The following GALNT13 variants were observed in gnomAD, a reference collection of about 807,000 sequenced individuals.
GALNT13 encodes polypeptide N-acetylgalactosaminyltransferase 13.
GALNT13 carries 28 observed loss-of-function variants against 64.2 expected under a neutral mutation model. That is an observed-to-expected ratio of 0.44 (90% CI 0.32 to 0.60). The LOEUF is 0.60. Among genes scored for constraint, GALNT13 ranks in the 20% least tolerant of loss-of-function variants. The pLI, the probability that GALNT13 is intolerant of heterozygous loss-of-function variation, is 0.05. For synonymous variants in GALNT13, 214 were observed against 224.6 expected, an observed-to-expected ratio of 0.95 and a Z score of 0.42; for missense variants, 577 against 669.8, an observed-to-expected ratio of 0.86 and a Z score of 1.53.
the GALNT13 span, among the ~76,000 whole-genome samples, chr2:153,385,797 C>A: frequency 1.3e-5 from 2 of 151,860 alleles, no homozygotes; most frequent in Non-Finnish European, 2.9e-5. Context: ...AATTGCATGC[C>A]TGTATTAAAG....
the GALNT13 span, among the ~76,000 whole-genome samples, chr2:153,212,660 C>T: frequency 6.6e-6 from 1 of 152,140 alleles, no homozygotes. Context: ...AAATTGTATG[C>T]TGTCTTTTCA....
chr2:154,326,522 A>G (rs983743934), intron 9 of GALNT13, among the ~76,000 whole-genome samples: 1 of 152,072 alleles, frequency 6.6e-6, no homozygotes, highest in Admixed American at 6.6e-5. Context: ...TTCTACATAT[A>G]TATATTAATT....
intron 9 of GALNT13, among the ~76,000 whole-genome samples, chr2:154,364,015 A>T (rs1697223592): frequency 6.6e-6 from 1 of 152,230 alleles, no homozygotes; most frequent in African/African-American, 2.4e-5. Context: ...TGAATTAAAA[A>T]TTGCATGAGC....
chr2:153,485,915 A>G, the GALNT13 span, among the ~76,000 whole-genome samples: 3 of 152,088 alleles, frequency 2.0e-5, no homozygotes, highest in Non-Finnish European at 4.4e-5. Flanking sequence ...ACAAACAAAA[A>G]AGAAAATAAA....
chr2:154,396,503 A>C lies in GALNT13; in HGVS notation c.1296+373A>C, dbSNP rs1286209685. On this transcript the variant is annotated intron_variant, in intron 10 of 12. Coordinates refer to ENST00000392825, the MANE Select transcript of GALNT13 (RefSeq NM_052917.4). ...ACCCATTTTTTACTAATTAAACGTT[A>C]TATAATAAACAATTACATGTTAATG... Among the ~76,000 whole-genome samples the C allele has an allele frequency of 5.9e-5, 9 of 152,332 alleles. No homozygotes were observed. The East Asian group carries it at 1.7e-3, about 29-fold the overall frequency.
intron 11 of GALNT13, among the ~76,000 whole-genome samples, chr2:154,434,823 C>T (rs1191832499): frequency 2.0e-5 from 3 of 152,098 alleles, no homozygotes; most frequent in Non-Finnish European, 4.4e-5. Flanking sequence ...CTACATGTTA[C>T]ATTTTGCAGT....
At chr2:154,080,504 T>C (rs1206539736) in intron 3 of GALNT13, among the ~76,000 whole-genome samples, 1 of 151,572 alleles carries the variant, frequency 6.6e-6, no homozygotes, top group African/African-American at 2.4e-5. Context: ...CAACATTCAG[T>C]GGAAACAAGT....
At chr2:153,442,626 C>T in the GALNT13 span, among the ~76,000 whole-genome samples, 1 of 152,162 alleles carries the variant, frequency 6.6e-6, no homozygotes, top group African/African-American at 2.4e-5. Flanking sequence ...ACATTCAAGT[C>T]TGCTGAAGCT....
the GALNT13 span, among the ~76,000 whole-genome samples, chr2:153,721,433 A>C: frequency 2.7e-5 from 4 of 147,778 alleles, no homozygotes; most frequent in African/African-American, 1.0e-4. Flanking sequence ...CTAACATCAT[A>C]ATGACAGGAT....
the GALNT13 span, among the ~76,000 whole-genome samples, chr2:153,127,472 G>T: frequency 2.0e-5 from 3 of 152,128 alleles, no homozygotes; most frequent in South Asian, 4.1e-4. Flanking sequence ...CTTCCCCTCC[G>T]CACTTCTCCC....
intron 3 of GALNT13, among the ~76,000 whole-genome samples, chr2:154,053,708 G>C (rs1159328924): frequency 6.6e-6 from 1 of 152,112 alleles, no homozygotes; most frequent in Non-Finnish European, 1.5e-5. Flanking sequence ...ATCCACTTTG[G>C]AATGGCTTTG....
intron 3 of GALNT13, among the ~76,000 whole-genome samples, chr2:154,099,311 A>T (rs1702229836): frequency 6.6e-6 from 1 of 151,972 alleles, no homozygotes; most frequent in Admixed American, 6.6e-5. Context: ...GAAATTCTGG[A>T]TATTACTCTT....
intron 8 of GALNT13, among the ~76,000 whole-genome samples, chr2:154,270,686 T>G (rs1253059931): frequency 6.6e-6 from 1 of 151,742 alleles, no homozygotes; most frequent in East Asian, 1.9e-4. Flanking sequence ...AATAAATTAG[T>G]AAATAAAATT....
chr2:153,107,276 G>T, the GALNT13 span, among the ~76,000 whole-genome samples: 2 of 152,176 alleles, frequency 1.3e-5, no homozygotes, highest in African/African-American at 4.8e-5. Flanking sequence ...ACAATCAGAT[G>T]TAGAGATTCA....
At chr2:153,885,254 A>G (rs530318639) in intron 1 of GALNT13, among the ~76,000 whole-genome samples, 156 of 152,040 alleles carry the variant, frequency 1.0e-3, no homozygotes, top group Middle Eastern at 0.01. Context: ...ATTAGACTAA[A>G]GGTGTTCATT....
At chr2:153,116,580 C>T in the GALNT13 span, among the ~76,000 whole-genome samples, 1 of 152,012 alleles carries the variant, frequency 6.6e-6, no homozygotes, top group Non-Finnish European at 1.5e-5. Context: ...CAGTTGGCTG[C>T]AAATGATATT....
At chr2:153,963,285 T>C (rs569189464) in intron 3 of GALNT13, among the ~76,000 whole-genome samples, 7 of 152,294 alleles carry the variant, frequency 4.6e-5, no homozygotes, top group African/African-American at 1.4e-4. Context: ...ATTTAGACCA[T>C]AGCATATGGA....
the GALNT13 span, among the ~76,000 whole-genome samples, chr2:153,314,303 C>T: frequency 1.3e-5 from 2 of 151,968 alleles, no homozygotes; most frequent in Non-Finnish European, 1.5e-5. Flanking sequence ...CACAATCAAA[C>T]ATAGCATATT....
intron 3 of GALNT13, among the ~76,000 whole-genome samples, chr2:153,948,930 A>G (rs911480037): frequency 6.6e-6 from 1 of 152,152 alleles, no homozygotes; most frequent in African/African-American, 2.4e-5. Flanking sequence ...AAGTGTGTAC[A>G]ACAAACCCAA....
Sources: allele counts gnomAD v4.1 joint callset (sites outside exome capture counted in the v4.1 genomes callset), GRCh38; gene constraint gnomAD v4.1.1; transcripts MANE v1.5; gene names NCBI Gene and HGNC (gene_info 2026-07-23, HGNC 2026-07-21).